The following FBXL7 variants were observed in gnomAD, a reference collection of about 807,000 sequenced individuals.
The protein encoded by FBXL7 is F-box and leucine rich repeat protein 7.
Under a neutral mutation model 38.3 loss-of-function variants are expected in FBXL7, and 12 were observed. The observed-to-expected ratio is 0.31, with a 90% confidence interval of 0.20 to 0.51. The LOEUF (loss-of-function observed/expected upper bound fraction) is 0.51. FBXL7 is among the 20% of genes least tolerant of loss of function. The probability of loss-of-function intolerance (pLI) is 0.98; values close to 1 mark genes in which losing one functional copy is unlikely to be tolerated. For missense variants in FBXL7, 567 were observed against 676.4 expected (o/e 0.84, Z 1.79); for synonymous variants, 297 against 300.9 (o/e 0.99, Z 0.13).
intron 2 of FBXL7, among the ~76,000 whole-genome samples, chr5:15,856,448 G>A (rs1739274351): frequency 6.6e-6 from 1 of 151,854 alleles, no homozygotes; most frequent in African/African-American, 2.4e-5. Context: ...AATAATGGGT[G>A]CTAGGCTTAA....
intron 2 of FBXL7, among the ~76,000 whole-genome samples, chr5:15,675,243 C>T (rs1046448048): frequency 2.6e-5 from 4 of 152,180 alleles, no homozygotes; most frequent in African/African-American, 9.7e-5. Context: ...CTTTTAGAAT[C>T]AGATTTCTTT....
At chr5:15,793,799 T>A (rs1737338477) in intron 2 of FBXL7, among the ~76,000 whole-genome samples, 1 of 152,220 alleles carries the variant, frequency 6.6e-6, no homozygotes, top group Non-Finnish European at 1.5e-5. Flanking sequence ...GTGAAGAAGA[T>A]GAATTTGATA....
intron 2 of FBXL7, among the ~76,000 whole-genome samples, chr5:15,683,994 AAAATT>A (rs1257772195): frequency 9.9e-5 from 15 of 152,168 alleles, no homozygotes; most frequent in African/African-American, 3.6e-4. Flanking sequence ...AGGCCTTTTA[AAAATT>A]AAATTATTTT....
intron 1 of FBXL7, among the ~76,000 whole-genome samples, chr5:15,603,984 A>G (rs1250786977): frequency 6.6e-6 from 1 of 152,144 alleles, no homozygotes; most frequent in Non-Finnish European, 1.5e-5. Context: ...TAAAAATTCA[A>G]AAGTTAGCTG....
chr5:15,740,691 T>TA (rs1180236753), intron 2 of FBXL7, among the ~76,000 whole-genome samples: 2 of 152,160 alleles, frequency 1.3e-5, no homozygotes, highest in African/African-American at 2.4e-5. Flanking sequence ...TTACCTTTTT[T>TA]AAAAAATGGA....
At chr5:15,902,309 G>C (rs1561182514) in intron 2 of FBXL7, among the ~76,000 whole-genome samples, 1 of 152,166 alleles carries the variant, frequency 6.6e-6, no homozygotes, top group African/African-American at 2.4e-5. Flanking sequence ...AGTTCTTCCT[G>C]TCTCCACAGT....
chr5:15,841,689 C>T (rs1474281395), intron 2 of FBXL7, among the ~76,000 whole-genome samples: 1 of 152,154 alleles, frequency 6.6e-6, no homozygotes, highest in Admixed American at 6.5e-5. Flanking sequence ...TCCAGGGACC[C>T]CTTGCTGTGT....
chr5:15,630,207 A>G (rs1740953379), intron 2 of FBXL7, among the ~76,000 whole-genome samples: 1 of 152,148 alleles, frequency 6.6e-6, no homozygotes, highest in Non-Finnish European at 1.5e-5. Flanking sequence ...TATACTTAGA[A>G]GTCTAAAAAT....
At chr5:15,856,104 T>A (rs1178104412) in intron 2 of FBXL7, among the ~76,000 whole-genome samples, 1 of 152,150 alleles carries the variant, frequency 6.6e-6, no homozygotes, top group Non-Finnish European at 1.5e-5. Context: ...TCCATGTGGC[T>A]GGGGAGATCT....
chr5:15,634,662 T>C (rs1471550232), intron 2 of FBXL7, among the ~76,000 whole-genome samples: 1 of 152,210 alleles, frequency 6.6e-6, no homozygotes, highest in Non-Finnish European at 1.5e-5. Context: ...AAATGATGGC[T>C]AACTTAGTGT....
intron 2 of FBXL7, among the ~76,000 whole-genome samples, chr5:15,699,245 CAAAAT>C (rs1743446159): frequency 6.6e-6 from 1 of 152,134 alleles, no homozygotes; most frequent in Non-Finnish European, 1.5e-5. Context: ...TGGCTTAAAA[CAAAAT>C]AAATGTATTA....
chr5:15,598,049 T>C (rs531782508), intron 1 of FBXL7, among the ~76,000 whole-genome samples: 1 of 152,226 alleles, frequency 6.6e-6, no homozygotes, highest in Non-Finnish European at 1.5e-5. Context: ...GCAATTTATA[T>C]GATAAAAGGG....
intron 2 of FBXL7, among the ~76,000 whole-genome samples, chr5:15,745,073 GA>G (rs980468270): frequency 6.6e-6 from 1 of 152,026 alleles, no homozygotes; most frequent in African/African-American, 2.4e-5. Flanking sequence ...CAAGTTTGCT[GA>G]AAAAAACCTC....
chr5:15,618,331 G>T (rs1292389640), intron 2 of FBXL7, among the ~76,000 whole-genome samples: 1 of 152,158 alleles, frequency 6.6e-6, no homozygotes, highest in South Asian at 2.1e-4. Flanking sequence ...TATGAAAGAT[G>T]CTGCCCATTC....
chr5:15,763,136 A>G (rs1431582677), intron 2 of FBXL7, among the ~76,000 whole-genome samples: 2 of 152,166 alleles, frequency 1.3e-5, no homozygotes, highest in African/African-American at 4.8e-5. Context: ...TGGAGAGGCA[A>G]TATGTATAGT....
At chr5:15,544,459 T>G (rs954827541) in intron 1 of FBXL7, among the ~76,000 whole-genome samples, 35 of 152,306 alleles carry the variant, frequency 2.3e-4, no homozygotes, top group African/African-American at 8.2e-4. Context: ...ATTTTGACAA[T>G]TACTGTTTTT....
intron 2 of FBXL7, among the ~76,000 whole-genome samples, chr5:15,818,975 T>C (rs1738096967): frequency 6.6e-6 from 1 of 152,130 alleles, no homozygotes; most frequent in Admixed American, 6.6e-5. Context: ...TCTAGTGTTG[T>C]TTATCGTTAA....
intron 2 of FBXL7, among the ~76,000 whole-genome samples, chr5:15,662,447 G>T (rs544319218): frequency 6.6e-6 from 1 of 152,152 alleles, no homozygotes; most frequent in Non-Finnish European, 1.5e-5. Context: ...CTCCCATTCT[G>T]TAGGTTGTCT....
At chr5:15,518,933 T>C (rs572682656) in intron 1 of FBXL7, among the ~76,000 whole-genome samples, 2 of 152,232 alleles carry the variant, frequency 1.3e-5, no homozygotes, top group African/African-American at 4.8e-5. Context: ...CGAGAAACAA[T>C]GACAAATGAA....
Sources: gnomAD v4.1 joint callset for allele counts (sites outside exome capture counted in the v4.1 genomes callset) on GRCh38, gnomAD v4.1.1 for gene constraint, MANE v1.5 for transcripts, NCBI Gene and HGNC (gene_info 2026-07-23, HGNC 2026-07-21) for gene names.